Variants in ITGB3 observed in about 807,000 individuals in gnomAD.
ITGB3 encodes the protein integrin subunit beta 3, also known as integrin beta-3.
ITGB3 carries 48 observed loss-of-function variants against 85.8 expected under a neutral mutation model. The observed-to-expected ratio is 0.56, with a 90% CI of 0.44 to 0.71. ITGB3 has a LOEUF of 0.71. Ranked by LOEUF, ITGB3 falls within the 30% of genes least tolerant of loss-of-function variation. ITGB3 has a pLI of 0.00. For synonymous variants in ITGB3, 363 were observed against 395.6 expected, an observed-to-expected ratio of 0.92 and a Z score of 0.98; for missense variants, 861 against 1,019.1, an observed-to-expected ratio of 0.84 and a Z score of 2.11.
At chr17:47,293,256 T>C (rs2065134146) in intron 10 of ITGB3, among the ~76,000 whole-genome samples, 1 of 152,176 alleles carries the variant, frequency 6.6e-6, no homozygotes, top group Non-Finnish European at 1.5e-5. Flanking sequence ...TGAGTTGTCC[T>C]TCTCATTGCA....
At chr17:47,298,344 G>T (rs1248219670) in intron 10 of ITGB3, among the ~76,000 whole-genome samples, 1 of 152,112 alleles carries the variant, frequency 6.6e-6, no homozygotes, top group African/African-American at 2.4e-5. Flanking sequence ...GCATTCATGG[G>T]ATTTGTTTAA....
chr17:47,288,864 G>T (rs1407192180), intron 6 of ITGB3, among the ~76,000 whole-genome samples: 1 of 152,196 alleles, frequency 6.6e-6, no homozygotes, highest in Admixed American at 6.5e-5. Flanking sequence ...CATGATTAGT[G>T]CCAAATGGGT....
chr17:47,254,536 A>T (rs1341381655), intron 1 of ITGB3, among the ~76,000 whole-genome samples: 1 of 151,268 alleles, frequency 6.6e-6, no homozygotes, highest in East Asian at 2.0e-4. Flanking sequence ...TTGGAGCAGG[A>T]TGAGGGCTTT....
chr17:47,290,426 C>A, intron 8 of ITGB3, 152 bp downstream of exon 8: 1 of 715,494 alleles, frequency 1.4e-6, no homozygotes, highest in Non-Finnish European at 2.6e-6. Context: ...ATGGCCCGCT[C>A]TAGAAGGGAT....
At chr17:47,255,634 A>T (rs978741036) in intron 1 of ITGB3, among the ~76,000 whole-genome samples, 8 of 151,776 alleles carry the variant, frequency 5.3e-5, no homozygotes, top group African/African-American at 1.9e-4. Flanking sequence ...GTTGGCCAGG[A>T]TGATCTCGAT....
intron 1 of ITGB3, among the ~76,000 whole-genome samples, chr17:47,270,233 C>T (rs2065039687): frequency 6.6e-6 from 1 of 152,212 alleles, no homozygotes; most frequent in Admixed American, 6.5e-5. Context: ...CCATGGTCCT[C>T]TTCCCTCTTC....
intron 7 of ITGB3, 109 bp downstream of exon 7, chr17:47,289,885 C>T (rs546410457): frequency 3.7e-6 from 3 of 821,128 alleles, no homozygotes; most frequent in East Asian, 2.5e-5. Flanking sequence ...AGAGTCTCCC[C>T]TAATCCACTC....
intron 2 of ITGB3, 81 bp downstream of exon 2, chr17:47,274,585 T>A (rs1218413272): frequency 2.5e-6 from 3 of 1,212,570 alleles, no homozygotes; most frequent in Non-Finnish European, 2.4e-6. Flanking sequence ...AGTTATCACC[T>A]CCCTCTTGAA....
intron 13 of ITGB3, among the ~76,000 whole-genome samples, chr17:47,304,151 C>T (rs758327008): frequency 3.3e-5 from 5 of 152,158 alleles, no homozygotes; most frequent in African/African-American, 9.7e-5. Context: ...CTCAGCCCCC[C>T]GCAAAGTGTT....
chr17:47,291,300 C>T (rs1420651174), intron 9 of ITGB3: 20 of 618,300 alleles, frequency 3.2e-5, no homozygotes, highest in Admixed American at 5.8e-5. Context: ...ATTTCTGTTA[C>T]GTGAACTTCA....
chr17:47,300,409 A>G lies in ITGB3; in HGVS notation c.1914-69A>G. The G allele has an allele frequency of 2.8e-6, 3 of 1,082,720 alleles. No individual in the cohort carries two copies. The South Asian group carries it at 3.8e-5, about 14-fold the overall frequency. The allele number at this position is 1,082,720 out of a possible 1,614,324, so 67.1% of individuals were successfully genotyped here. A position where few individuals can be genotyped will look rare whatever the true frequency, so the allele number is the denominator to read the frequency against. ...GCAGCTTTCTGAATGCATGGAGATC[A>G]GAGCTGGACTGGGATACGCTTAGGC... On this transcript the variant is annotated intron_variant, in intron 11 of 14. Coordinates refer to ENST00000559488, the MANE Select transcript of ITGB3 (RefSeq NM_000212.3).
At chr17:47,309,547 C>T (rs949818791) in intron 14 of ITGB3, among the ~76,000 whole-genome samples, 1 of 152,010 alleles carries the variant, frequency 6.6e-6, no homozygotes, top group Non-Finnish European at 1.5e-5. Flanking sequence ...AGGTTCTATC[C>T]CCGAATGCTG....
In ITGB3 at chr17:47,292,414, C is replaced by T. The variant is rs1567766905; in HGVS notation, c.1536C>T (p.Cys512=). 3 of 1,612,210 alleles carry T rather than the reference C, an allele frequency of 1.9e-6. No individual in the cohort carries two copies. The highest frequency in any genetic ancestry group is 1.1e-5 in the South Asian group (1 of 91,030). ...EDYRPSQQDE[C]SPREGQPVCS... ...ATCGCCCTTCCCAGCAGGACGAATG[C>T]AGCCCCCGGGAGGGTCAGCCCGTCT... The change falls in exon 10 of 15, where the codon TGC becomes TGT. Residue 512 remains cysteine, a synonymous_variant. Coordinates refer to ENST00000559488, the MANE Select transcript of ITGB3 (RefSeq NM_000212.3).
Position 47,310,332 on chromosome 17 carries a change from ATGTC to A in ITGB3, c.*129_*132del, listed in dbSNP as rs1567771810. The A allele has an allele frequency of 4.8e-6, 4 of 828,364 alleles. No individual in the cohort carries two copies. The highest frequency in any genetic ancestry group is 1.4e-5 in the South Asian group (1 of 70,082). 51.3% of individuals were successfully genotyped at this position (828,364 alleles called of 1,614,324 possible). The stretch of plus-strand genomic sequence containing the variant: ...GCTCAGAGTGGGGTAGGTTGGGAGA[ATGTC>A]AGTATGTGGAAGTGTGGGTCTGTGT... On this transcript the variant is annotated 3_prime_UTR_variant, in exon 15 of 15. Transcript: ENST00000559488.
intron 3 of ITGB3, 76 bp downstream of exon 3, chr17:47,283,625 A>T (rs2065092044): frequency 1.4e-6 from 2 of 1,410,898 alleles, no homozygotes; most frequent in South Asian, 2.3e-5. Context: ...CTGAGGAGGA[A>T]GTCTTGGGGA....
chr17:47,272,771 C>A (rs551075432), intron 1 of ITGB3, among the ~76,000 whole-genome samples: 1 of 122,284 alleles, frequency 8.2e-6, no homozygotes, highest in South Asian at 2.6e-4. Flanking sequence ...TCCTTTCTTT[C>A]TTTCCTTTTT....
intron 1 of ITGB3, among the ~76,000 whole-genome samples, chr17:47,256,733 G>T (rs6504800): frequency 0.025 from 3,739 of 152,246 alleles, 148 homozygotes; most frequent in African/African-American, 0.086. Flanking sequence ...GTACAAAGAT[G>T]ATCTTTTTAG....
chr17:47,265,760 A>G (rs930809129), intron 1 of ITGB3, among the ~76,000 whole-genome samples: 3 of 152,202 alleles, frequency 2.0e-5, no homozygotes, highest in Admixed American at 1.3e-4. Context: ...ATGTTTTCCA[A>G]TGTTAAATAC....
chr17:47,276,228 C>G (rs968987367), intron 2 of ITGB3, among the ~76,000 whole-genome samples: 6 of 152,142 alleles, frequency 3.9e-5, no homozygotes, highest in Non-Finnish European at 8.8e-5. Flanking sequence ...AAAAAGAAAA[C>G]CTTCTTGGAG....
Sources: gnomAD v4.1 joint callset for allele counts (sites outside exome capture counted in the v4.1 genomes callset) on GRCh38, gnomAD v4.1.1 for gene constraint, MANE v1.5 for transcripts, NCBI Gene and HGNC (gene_info 2026-07-23, HGNC 2026-07-21) for gene names.